CUL4A: variants seen among roughly 807,000 people sequenced by gnomAD.
CUL4A encodes the protein cullin-4A.
A neutral mutation model predicts 95.5 loss-of-function variants in CUL4A; 16 were observed. The ratio of observed to expected loss-of-function variants is 0.17; its 90% confidence interval spans 0.11 to 0.25. CUL4A has a LOEUF of 0.25. CUL4A is among the 10% of genes least tolerant of loss of function. The pLI is 1.00. For synonymous variants in CUL4A, 380 were observed against 353.1 expected, an observed-to-expected ratio of 1.08 and a Z score of -0.85; for missense variants, 610 against 937.0, an observed-to-expected ratio of 0.65 and a Z score of 4.56.
At position 113,219,399 on chromosome 13, in the gene CUL4A, A is replaced by ATATT. The variant is rs2040815797; in HGVS notation, c.368+352_368+353insATTT. ...TGGCGACTTATGGAGACACCCACTTATCAGCGCACAGTTGTGTCTGTCAGG... is the reference window on the plus strand; with the variant it reads ...TGGCGACTTATGGAGACACCCACTTATATTTCAGCGCACAGTTGTGTCTGTCAGG... On this transcript the variant is annotated intron_variant, in intron 3 of 19. Transcript: ENST00000375440. The ATATT allele has an allele frequency of 2.5e-5, 5 of 201,754 alleles. No homozygotes were observed. In the South Asian group the frequency reaches 3.1e-4, roughly 13 times the overall value. 12.5% of individuals were successfully genotyped at this position (201,754 alleles called of 1,614,324 possible).
chr13:113,254,849 A>G, intron 17 of CUL4A, 51 bp downstream of exon 17: 2 of 1,593,952 alleles, frequency 1.3e-6, no homozygotes, highest in South Asian at 1.1e-5. Context: ...TAAAGCATGT[A>G]TTTGTTTTAA....
intron 10 of CUL4A, among the ~76,000 whole-genome samples, chr13:113,242,181 C>T (rs2041733078): frequency 6.6e-6 from 1 of 151,750 alleles, no homozygotes; most frequent in Non-Finnish European, 1.5e-5. Flanking sequence ...CCTGTAGTCC[C>T]AGCTACATGG....
At chr13:113,262,211 A>G (rs1289770573) in intron 19 of CUL4A, among the ~76,000 whole-genome samples, 3 of 152,244 alleles carry the variant, frequency 2.0e-5, no homozygotes, top group African/African-American at 7.2e-5. Context: ...CTAATACAGC[A>G]GAGCTGGAGT....
chr13:113,243,611 A>G (rs1457139802), intron 11 of CUL4A, among the ~76,000 whole-genome samples: 1 of 151,626 alleles, frequency 6.6e-6, no homozygotes, highest in African/African-American at 2.4e-5. Flanking sequence ...TTCGAAGGAG[A>G]AAGGGGGCAA....
chr13:113,233,033 T>G, intron 5 of CUL4A, 144 bp from the exon 6 acceptor site: 1 of 857,782 alleles, frequency 1.2e-6, no homozygotes, highest in South Asian at 1.9e-5. Context: ...ACAGAAGTTT[T>G]TAAAAGGAAT....
chr13:113,239,076 A>AT (rs1241630182), intron 9 of CUL4A, among the ~76,000 whole-genome samples: 1 of 152,196 alleles, frequency 6.6e-6, no homozygotes, highest in African/African-American at 2.4e-5. Flanking sequence ...GTCCTTTTAC[A>AT]TTGTCTGGCC....
chr13:113,257,625 C>T (rs991918195), intron 18 of CUL4A, among the ~76,000 whole-genome samples: 7 of 152,198 alleles, frequency 4.6e-5, no homozygotes, highest in African/African-American at 1.4e-4. Context: ...GGGCCCAAGC[C>T]ATTCATGAGG....
At chr13:113,212,200 C>G (rs1313608325) in intron 2 of CUL4A, among the ~76,000 whole-genome samples, 1 of 152,210 alleles carries the variant, frequency 6.6e-6, no homozygotes, top group Non-Finnish European at 1.5e-5. Context: ...ATTCTGGATA[C>G]AAGTCCTGTA....
At chr13:113,209,053 A>T, upstream of CUL4A, 1 of 268,948 alleles carries the variant, frequency 3.7e-6, no homozygotes, top group Non-Finnish European at 5.5e-6. Context: ...GGGGAGGGGG[A>T]GGGACATGGC....
rs1397911343 is a variant in CUL4A, at chr13:113,219,034, C to T, written c.354C>T (p.Ile118=). Residue 118 remains isoleucine (I), a synonymous_variant, in exon 3 of 20, where the codon ATC becomes ATT. Transcript: ENST00000375440. The part of the protein sequence containing the change: ...QACEDHVQAQ[I]LPFREDSLDS... Reference sequence around the variant, plus strand: ...GTGAAGACCACGTCCAGGCACAGATCCTTCCGTTTAGAGAATATCCTTTTT... The same window carrying T: ...GTGAAGACCACGTCCAGGCACAGATTCTTCCGTTTAGAGAATATCCTTTTT... 1.2e-6 allele frequency: 2 copies of T among 1,606,784 alleles called. No homozygotes were observed. The highest frequency in any genetic ancestry group is 8.5e-7 in the Non-Finnish European group (1 of 1,176,940).
At chr13:113,215,661 TG>T (rs1472262134) in intron 2 of CUL4A, among the ~76,000 whole-genome samples, 2 of 151,240 alleles carry the variant, frequency 1.3e-5, no homozygotes, top group Non-Finnish European at 2.9e-5. Flanking sequence ...CATGTGGCTC[TG>T]AAGGTCTCTG....
chr13:113,229,033 C>A (rs914957306), intron 4 of CUL4A, among the ~76,000 whole-genome samples: 1 of 151,912 alleles, frequency 6.6e-6, no homozygotes, highest in African/African-American at 2.4e-5. Context: ...GAGGCTGAGG[C>A]AGGAGAATGG....
At chr13:113,247,404 G>C (rs1037332459) in intron 15 of CUL4A, among the ~76,000 whole-genome samples, 1 of 152,200 alleles carries the variant, frequency 6.6e-6, no homozygotes, top group African/African-American at 2.4e-5. Flanking sequence ...TTTCCTCCCA[G>C]GTGTAGGGCA....
chr13:113,233,907 A>T lies in CUL4A; in HGVS notation c.686A>T (p.Asp229Val). 6.3e-7 allele frequency: 1 copy of T among 1,585,892 alleles called. No homozygotes were observed. The highest frequency in any genetic ancestry group is 8.7e-7 in the Non-Finnish European group (1 of 1,154,946). The part of the protein sequence containing the change: ...GMLSDLQVYK[D>V]SFELKFLEET... Reference sequence around the variant, plus strand: ...CTGCTTGTTTCTTAGGTGTATAAAGATTCATTTGAACTGAAATTTTTGGAA... The same window carrying T: ...CTGCTTGTTTCTTAGGTGTATAAAGTTTCATTTGAACTGAAATTTTTGGAA... Residue 229 changes from aspartate to valine, a missense_variant, in exon 7 of 20, where the codon GAT (aspartate) becomes GTT (valine). By Grantham distance (152) the Asp-to-Val change is radical. Around this residue, in one of 10 missense-constraint regions of CUL4A, gnomAD observed 97 missense variants for 100.3 expected, o/e 0.97. Transcript: ENST00000375440.
At chr13:113,220,245 C>G (rs1812764528) in intron 3 of CUL4A, among the ~76,000 whole-genome samples, 1 of 152,204 alleles carries the variant, frequency 6.6e-6, no homozygotes, top group African/African-American at 2.4e-5. Flanking sequence ...GGTGAGAGGT[C>G]TCTGTTTAGA....
intron 2 of CUL4A, among the ~76,000 whole-genome samples, chr13:113,212,116 G>A (rs1440588941): frequency 6.6e-6 from 1 of 152,208 alleles, no homozygotes; most frequent in African/African-American, 2.4e-5. Context: ...TTGACGAAGT[G>A]TCTATTTAAA....
intron 7 of CUL4A, among the ~76,000 whole-genome samples, chr13:113,234,355 A>G (rs2041465351): frequency 1.3e-5 from 2 of 152,190 alleles, no homozygotes; most frequent in South Asian, 4.1e-4. Context: ...TTCCCAAAAA[A>G]AGCTGTGCGA....
rs1019271766 is a variant in CUL4A at position 113,230,089 on chromosome 13, C to T, written c.512+570C>T. ...GCCACCCCATGGCGCTGAATCCTGCCGCCTCCTGCAAGCCGACTTTGGACA... is the reference window on the plus strand; with the variant it reads ...GCCACCCCATGGCGCTGAATCCTGCTGCCTCCTGCAAGCCGACTTTGGACA... On this transcript the variant is annotated intron_variant, in intron 5 of 19. Transcript: ENST00000375440. The T allele has an allele frequency of 1.1e-4, 19 of 178,090 alleles. No homozygotes were observed. The Admixed American group carries it at 1.1e-3, about 11-fold the overall frequency. 11.0% of individuals were successfully genotyped at this position (178,090 alleles called of 1,614,324 possible). A position where few individuals can be genotyped will look rare whatever the true frequency, so the allele number is the denominator to read the frequency against.
rs544853484 is a variant in CUL4A, at chr13:113,209,962, C to G, written c.149-11C>G. On this transcript the variant is annotated splice_polypyrimidine_tract_variant and intron_variant, in intron 1 of 19. Transcript: ENST00000375440. ...GCGCCCTGAGCCGCCCGCTCTCCCTCCGCCCTGCAGACAGACCTCGGCTGC... is the reference window on the plus strand; with the variant it reads ...GCGCCCTGAGCCGCCCGCTCTCCCTGCGCCCTGCAGACAGACCTCGGCTGC... 1.1e-4 allele frequency: 162 copies of G among 1,494,742 alleles called. No homozygotes were observed. In the African/African-American group the frequency reaches 2.3e-3, roughly 21 times the overall value. The allele number at this position is 1,494,742 out of a possible 1,614,324, so 92.6% of individuals were successfully genotyped here.
Sources: allele counts gnomAD v4.1 joint callset (sites outside exome capture counted in the v4.1 genomes callset), GRCh38; gene constraint gnomAD v4.1.1; regional missense constraint gnomAD v4.1.1; transcripts MANE v1.5; gene names NCBI Gene and HGNC (gene_info 2026-07-23, HGNC 2026-07-21).